NEO1: variants seen among roughly 807,000 people sequenced by gnomAD.
NEO1 encodes the protein neogenin.
In NEO1, 63 loss-of-function variants were observed where a neutral mutation model predicts 159.7. The observed-to-expected ratio is 0.39, with a 90% CI of 0.32 to 0.49. The LOEUF (loss-of-function observed/expected upper bound fraction) is 0.49, where lower values mean the gene tolerates loss of function less well. Ranked by LOEUF, NEO1 falls within the 20% of genes least tolerant of loss-of-function variation. The pLI is 0.85. For synonymous variants in NEO1, 633 were observed against 662.0 expected (o/e 0.96, Z 0.67); for missense variants, 1,615 against 1,831.0 (o/e 0.88, Z 2.15).
chr15:73,054,189 A>C (rs1262674270), intron 1 of NEO1, among the ~76,000 whole-genome samples: 1 of 152,214 alleles, frequency 6.6e-6, no homozygotes, highest in African/African-American at 2.4e-5. Context: ...AAATATAACT[A>C]TTTTGGAAAA....
chr15:73,107,192 T>C (rs2070737809), intron 1 of NEO1, among the ~76,000 whole-genome samples: 1 of 152,186 alleles, frequency 6.6e-6, no homozygotes, highest in Admixed American at 6.6e-5. Context: ...CCACAAAAGA[T>C]TGAGAGCTAC....
At chr15:73,180,525 T>C (rs887718386) in intron 7 of NEO1, among the ~76,000 whole-genome samples, 1 of 152,196 alleles carries the variant, frequency 6.6e-6, no homozygotes, top group African/African-American at 2.4e-5. Context: ...CTTGTGGCAG[T>C]GACTTTTCTT....
intron 25 of NEO1, among the ~76,000 whole-genome samples, chr15:73,291,002 T>C (rs1178793305): frequency 1.3e-5 from 2 of 152,262 alleles, no homozygotes; most frequent in East Asian, 3.9e-4. Flanking sequence ...TAATACCCTA[T>C]TTGTTAACAG....
intron 5 of NEO1, among the ~76,000 whole-genome samples, chr15:73,169,021 A>G (rs1225880551): frequency 6.6e-6 from 1 of 152,202 alleles, no homozygotes; most frequent in Non-Finnish European, 1.5e-5. Flanking sequence ...AGCCTTTCAA[A>G]TGAAACAATA....
rs1219919111 is a variant in NEO1, at chr15:73,293,331, G to C, written c.3743-59G>C. 6.3e-6 allele frequency: 10 copies of C among 1,599,044 alleles called. No individual in the cohort carries two copies. In the East Asian group the frequency reaches 2.2e-4, roughly 36 times the overall value. On this transcript the variant is annotated intron_variant, in intron 25 of 28. Transcript: ENST00000261908. ...GGGGGTGACTTTGCTCTTAAACTGTGATTTGTGTGTGTTTGTGCAAGCATG... is the reference window on the plus strand; with the variant it reads ...GGGGGTGACTTTGCTCTTAAACTGTCATTTGTGTGTGTTTGTGCAAGCATG...
intron 7 of NEO1, among the ~76,000 whole-genome samples, chr15:73,197,681 C>CTTTT (rs34893810): frequency 7.6e-6 from 1 of 132,376 alleles, no homozygotes; most frequent in Non-Finnish European, 1.6e-5. Flanking sequence ...TTATACCTAC[C>CTTTT]TTTTTTTTTT....
At position 73,122,539 on chromosome 15, in the gene NEO1, A is replaced by G; in HGVS notation, c.463A>G (p.Thr155Ala). The change falls in exon 3 of 29, where the codon ACC (threonine) becomes GCC (alanine). Residue 155 changes from threonine (T) to alanine (A), a missense_variant. Around this residue, in one of 3 missense-constraint regions of NEO1, gnomAD observed 1,018 missense variants for 1,115.4 expected, o/e 0.91. Transcript: ENST00000261908. ...TTATTGTCCAGGTCTTCCAAGATTTACCAGCCAACCAGAACCTTCCTCAGT... is the reference window on the plus strand; with the variant it reads ...TTATTGTCCAGGTCTTCCAAGATTTGCCAGCCAACCAGAACCTTCCTCAGT... ...KLIVAGLPRF[T>A]SQPEPSSVYA... is the part of the protein sequence containing the mutation. 1 of 1,613,798 alleles carries G rather than the reference A, an allele frequency of 6.2e-7. No individual in the cohort carries two copies. The highest frequency in any genetic ancestry group is 8.5e-7 in the Non-Finnish European group (1 of 1,179,780).
rs370814673 is a variant in NEO1, at chr15:73,301,457, T to G, written c.4302T>G (p.Ser1434Arg). Reference protein sequence around the residue: ...ETTRMLEDSESSYEPDELTKE... With the variant: ...ETTRMLEDSERSYEPDELTKE... ...CAAGGATGTTGGAAGACTCCGAGAG[T>G]GTAAGTTCGTGGGGCCATCAGTCCA... The change falls in exon 28 of 29, where the codon AGT becomes AGG. Residue 1434 changes from serine (S) to arginine (R), a missense_variant and splice_region_variant. Physicochemically the swap from Ser to Arg is moderately radical, Grantham distance 110 (BLOSUM62 -1). Around this residue, in one of 3 missense-constraint regions of NEO1, gnomAD observed 471 missense variants for 498.9 expected, o/e 0.94. Transcript: ENST00000261908. 6.2e-7 allele frequency: 1 copy of G among 1,613,476 alleles called. No individual in the cohort carries two copies.
At chr15:73,235,284 C>T (rs988000412) in intron 7 of NEO1, among the ~76,000 whole-genome samples, 2 of 152,062 alleles carry the variant, frequency 1.3e-5, no homozygotes, top group African/African-American at 2.4e-5. Context: ...TTTTAATGTT[C>T]GAACATGATT....
intron 1 of NEO1, among the ~76,000 whole-genome samples, chr15:73,104,380 C>T (rs2070565167): frequency 6.6e-6 from 1 of 152,084 alleles, no homozygotes; most frequent in Non-Finnish European, 1.5e-5. Flanking sequence ...TATGTAGTTT[C>T]CCTGAACAGA....
intron 22 of NEO1, among the ~76,000 whole-genome samples, chr15:73,281,302 C>A (rs1456627708): frequency 1.3e-5 from 2 of 150,404 alleles, no homozygotes; most frequent in Non-Finnish European, 3.0e-5. Flanking sequence ...GTCGCCCAGG[C>A]TGGAGTGCAT....
intron 16 of NEO1, among the ~76,000 whole-genome samples, chr15:73,268,522 T>C (rs188240984): frequency 1.3e-5 from 2 of 152,376 alleles, no homozygotes; most frequent in Admixed American, 6.5e-5. Flanking sequence ...TTATATAATG[T>C]ATGCTACTCC....
At chr15:73,138,953 A>T (rs2032103735) in intron 5 of NEO1, among the ~76,000 whole-genome samples, 1 of 152,128 alleles carries the variant, frequency 6.6e-6, no homozygotes, top group Non-Finnish European at 1.5e-5. Flanking sequence ...AAAGCTGTGC[A>T]TTGGTTGTCA....
intron 1 of NEO1, among the ~76,000 whole-genome samples, chr15:73,089,139 A>T (rs897880822): frequency 9.9e-5 from 15 of 152,156 alleles, no homozygotes; most frequent in African/African-American, 3.6e-4. Flanking sequence ...CTGTCTCCTG[A>T]TTATAATGAT....
chr15:73,254,591 C>T, intron 12 of NEO1, 91 bp from the exon 13 acceptor site: 1 of 1,365,252 alleles, frequency 7.3e-7, no homozygotes. Context: ...TGTTTTTTCT[C>T]TTTAAACAGT....
Position 73,266,342 on chromosome 15 carries a change from C to T in NEO1, c.2425C>T (p.Leu809=). 6.2e-7 allele frequency: 1 copy of T among 1,613,100 alleles called. No individual in the cohort carries two copies. Among genetic ancestry groups the T allele is most frequent in the East Asian group, 2.2e-5 (1 of 44,840 alleles). The part of the protein sequence containing the change: ...LDPSSHYVIT[L]KAFNNVGEGI... ...TCCCAGCTCTCACTATGTGATTACC[C>T]TGAAAGCATTTAATAACGTGGGTGA... The change falls in exon 16 of 29, where the codon CTG becomes TTG. Residue 809 remains leucine (L), a synonymous_variant. Transcript: ENST00000261908.
intron 1 of NEO1, among the ~76,000 whole-genome samples, chr15:73,108,816 C>T (rs2070821175): frequency 6.6e-6 from 1 of 152,118 alleles, no homozygotes; most frequent in Non-Finnish European, 1.5e-5. Context: ...AGAGTGGGTG[C>T]AGGGCAAGTG....
intron 21 of NEO1, among the ~76,000 whole-genome samples, chr15:73,275,890 T>G (rs945996893): frequency 3.3e-5 from 5 of 152,158 alleles, no homozygotes; most frequent in African/African-American, 1.2e-4. Flanking sequence ...GCTCTCTTGG[T>G]TTAAGAGTAG....
intron 5 of NEO1, chr15:73,143,345 A>T (rs1034571150): frequency 1.3e-5 from 2 of 157,318 alleles, no homozygotes; most frequent in African/African-American, 4.8e-5. Flanking sequence ...TGTGACCCAC[A>T]TTCATCTGGG....
Sources: allele counts gnomAD v4.1 joint callset (sites outside exome capture counted in the v4.1 genomes callset), GRCh38; gene constraint gnomAD v4.1.1; regional missense constraint gnomAD v4.1.1; transcripts MANE v1.5; gene names NCBI Gene and HGNC (gene_info 2026-07-23, HGNC 2026-07-21).